ENTREP2: variants seen among roughly 807,000 people sequenced by gnomAD.
ENTREP2 encodes the protein endosomal transmembrane epsin interactor 2, also known as protein ENTREP2.
chr15:29,445,743 C>G, the ENTREP2 span, among the ~76,000 whole-genome samples: 4 of 152,360 alleles, frequency 2.6e-5, no homozygotes, highest in South Asian at 6.2e-4. Context: ...AGCCATCCCA[C>G]TCCTGGAGAA....
chr15:29,532,829 T>G, the ENTREP2 span, among the ~76,000 whole-genome samples: 2 of 152,204 alleles, frequency 1.3e-5, no homozygotes, highest in African/African-American at 2.4e-5. Context: ...ATTCTCAGGT[T>G]GAAATATTTA....
the ENTREP2 span, among the ~76,000 whole-genome samples, chr15:29,444,166 CAGACAAAG>C: frequency 5.6e-5 from 3 of 53,334 alleles, no homozygotes; most frequent in Admixed American, 1.9e-4. Flanking sequence ...GAAAGAAAGA[CAGACAAAG>C]AAAGAAAGAA....
the ENTREP2 span, among the ~76,000 whole-genome samples, chr15:29,420,096 G>T: frequency 1.3e-5 from 2 of 152,152 alleles, no homozygotes; most frequent in African/African-American, 2.4e-5. Flanking sequence ...CAGCAGAGAA[G>T]AGAGAACAAC....
the ENTREP2 span, among the ~76,000 whole-genome samples, chr15:29,565,120 T>C: frequency 0.24 from 36,048 of 152,056 alleles, 4,761 homozygotes; most frequent in East Asian, 0.48. Flanking sequence ...CATCAAAAAT[T>C]AAGCAAAATG....
the ENTREP2 span, among the ~76,000 whole-genome samples, chr15:29,301,699 CAT>C: frequency 8.5e-5 from 13 of 152,228 alleles, no homozygotes; most frequent in East Asian, 2.3e-3. Flanking sequence ...ATGAGATTAA[CAT>C]ATAGAAACCT....
At chr15:29,123,829 C>G in the ENTREP2 span, among the ~76,000 whole-genome samples, 6 of 152,182 alleles carry the variant, frequency 3.9e-5, no homozygotes, top group South Asian at 1.0e-3. Flanking sequence ...CAACCCCAAA[C>G]TGAACTAGTG....
the ENTREP2 span, among the ~76,000 whole-genome samples, chr15:29,144,804 C>T: frequency 6.6e-6 from 1 of 151,988 alleles, no homozygotes; most frequent in Admixed American, 6.6e-5. Context: ...CTCTGGGAGG[C>T]TGAGGCGGCT....
chr15:29,446,015 G>C, the ENTREP2 span, among the ~76,000 whole-genome samples: 1 of 152,192 alleles, frequency 6.6e-6, no homozygotes, highest in Admixed American at 6.5e-5. Context: ...TGAGAGTGAG[G>C]GCTGGAAAAA....
chr15:29,386,739 G>A, the ENTREP2 span, among the ~76,000 whole-genome samples: 1 of 152,168 alleles, frequency 6.6e-6, no homozygotes, highest in Non-Finnish European at 1.5e-5. Context: ...TCTACACGAG[G>A]AGAAAGCGAG....
At chr15:29,192,904 C>T in the ENTREP2 span, among the ~76,000 whole-genome samples, 1 of 151,962 alleles carries the variant, frequency 6.6e-6, no homozygotes, top group Admixed American at 6.6e-5. Context: ...TGATAAAATT[C>T]AACAGCCATT....
At chr15:29,493,660 T>TAGAC in the ENTREP2 span, among the ~76,000 whole-genome samples, 2 of 150,788 alleles carry the variant, frequency 1.3e-5, no homozygotes, top group Middle Eastern at 6.8e-3. Context: ...AGAATATAGA[T>TAGAC]AGATAGACAG....
the ENTREP2 span, among the ~76,000 whole-genome samples, chr15:29,379,499 G>C: frequency 6.6e-6 from 1 of 152,190 alleles, no homozygotes; most frequent in East Asian, 1.9e-4. Context: ...TCCATGGAAG[G>C]TCAGTGCTGA....
chr15:29,330,869 A>AAT, the ENTREP2 span, among the ~76,000 whole-genome samples: 1 of 152,208 alleles, frequency 6.6e-6, no homozygotes, highest in Non-Finnish European at 1.5e-5. Context: ...TGTTCATATA[A>AAT]AACTATTCTA....
chr15:29,243,187 TG>T, the ENTREP2 span, among the ~76,000 whole-genome samples: 4 of 152,180 alleles, frequency 2.6e-5, no homozygotes, highest in African/African-American at 9.7e-5. Context: ...CACAACAAGC[TG>T]GGAATCCATG....
At chr15:29,120,093 A>T in the ENTREP2 span, among the ~76,000 whole-genome samples, 1 of 151,984 alleles carries the variant, frequency 6.6e-6, no homozygotes, top group African/African-American at 2.4e-5. Context: ...CCCGGAGTTG[A>T]CCCTCTCCGG....
chr15:29,665,852 CTT>C, the ENTREP2 span, among the ~76,000 whole-genome samples: 20 of 131,050 alleles, frequency 1.5e-4, no homozygotes, highest in African/African-American at 1.8e-4. Context: ...TTTACATCAT[CTT>C]TTTTTTTTTT....
At chr15:29,656,698 A>T in the ENTREP2 span, among the ~76,000 whole-genome samples, 2 of 152,170 alleles carry the variant, frequency 1.3e-5, no homozygotes, top group Non-Finnish European at 2.9e-5. Context: ...TGACACCACC[A>T]AATGCTCGCA....
At chr15:29,255,731 G>A in the ENTREP2 span, among the ~76,000 whole-genome samples, 2 of 152,100 alleles carry the variant, frequency 1.3e-5, no homozygotes, top group Non-Finnish European at 2.9e-5. Context: ...GCCAGGCGCG[G>A]TGGCTCATGC....
chr15:29,432,160 T>G, the ENTREP2 span, among the ~76,000 whole-genome samples: 1 of 152,206 alleles, frequency 6.6e-6, no homozygotes, highest in African/African-American at 2.4e-5. Flanking sequence ...CTAATTCTAA[T>G]TCAAAAGACT....
Sources: gnomAD v4.1 joint callset for allele counts (sites outside exome capture counted in the v4.1 genomes callset) on GRCh38, gnomAD v4.1.1 for gene constraint, MANE v1.5 for transcripts, NCBI Gene and HGNC (gene_info 2026-07-23, HGNC 2026-07-21) for gene names.